Variants in NRG1 observed in about 807,000 individuals in gnomAD.
The protein encoded by NRG1 is pro-neuregulin-1, membrane-bound isoform.
In NRG1, 18 loss-of-function variants were observed where a neutral mutation model predicts 63.8. That is an observed-to-expected ratio of 0.28 (90% CI 0.19 to 0.42). NRG1 has a LOEUF of 0.42. Ranked by LOEUF, NRG1 falls within the 10% of genes least tolerant of loss-of-function variation. The probability of loss-of-function intolerance (pLI) is 1.00; values close to 1 mark genes in which losing one functional copy is unlikely to be tolerated. For missense variants in NRG1, 762 were observed against 814.7 expected, an observed-to-expected ratio of 0.94 and a Z score of 0.79; for synonymous variants, 302 against 301.3, an observed-to-expected ratio of 1.00 and a Z score of -0.02.
chr8:31,984,384 G>T (rs1040046133), intron 1 of NRG1, among the ~76,000 whole-genome samples: 24 of 151,950 alleles, frequency 1.6e-4, no homozygotes, highest in African/African-American at 5.6e-4. Context: ...TCTTTCTCAA[G>T]ACCTACTTAA....
chr8:31,790,348 T>C (rs1380645672), intron 1 of NRG1, among the ~76,000 whole-genome samples: 4 of 152,168 alleles, frequency 2.6e-5, no homozygotes, highest in Non-Finnish European at 5.9e-5. Context: ...CTAACAGTGA[T>C]AGAGGAAGGG....
At chr8:32,549,767 A>G (rs1294634745) in intron 1 of NRG1, among the ~76,000 whole-genome samples, 1 of 152,236 alleles carries the variant, frequency 6.6e-6, no homozygotes, top group Non-Finnish European at 1.5e-5. Context: ...TACCTTGGAC[A>G]AAAGAGGCAT....
chr8:32,539,875 G>A (rs923009777), intron 1 of NRG1, among the ~76,000 whole-genome samples: 1 of 152,166 alleles, frequency 6.6e-6, no homozygotes, highest in Non-Finnish European at 1.5e-5. Context: ...GTTTTAAGAT[G>A]AGTGTATCAA....
At chr8:32,672,114 G>A (rs967843699) in intron 5 of NRG1, among the ~76,000 whole-genome samples, 9 of 151,520 alleles carry the variant, frequency 5.9e-5, no homozygotes, top group Non-Finnish European at 1.0e-4. Context: ...GCACAATCTC[G>A]GCTCACTGCA....
At chr8:32,291,008 C>T (rs1163170052) in intron 1 of NRG1, among the ~76,000 whole-genome samples, 2 of 151,994 alleles carry the variant, frequency 1.3e-5, no homozygotes, top group Non-Finnish European at 2.9e-5. Context: ...GTGTAGTTCC[C>T]GTATGAAAGC....
At chr8:32,308,244 T>C (rs1856442548) in intron 1 of NRG1, among the ~76,000 whole-genome samples, 1 of 152,226 alleles carries the variant, frequency 6.6e-6, no homozygotes, top group African/African-American at 2.4e-5. Flanking sequence ...AGACTCTAAC[T>C]GATTTGTGGC....
At chr8:31,923,606 A>G (rs181728550) in intron 1 of NRG1, among the ~76,000 whole-genome samples, 62 of 152,304 alleles carry the variant, frequency 4.1e-4, no homozygotes, top group African/African-American at 1.4e-3. Flanking sequence ...GGAAACGTTT[A>G]AAATTACTGG....
chr8:32,286,246 TA>T (rs1853504141), intron 1 of NRG1, among the ~76,000 whole-genome samples: 1 of 152,198 alleles, frequency 6.6e-6, no homozygotes, highest in African/African-American at 2.4e-5. Flanking sequence ...TGAGTATTTG[TA>T]GTTGTTCACA....
At chr8:32,573,908 T>A (rs1839123343) in intron 1 of NRG1, among the ~76,000 whole-genome samples, 1 of 151,908 alleles carries the variant, frequency 6.6e-6, no homozygotes, top group Admixed American at 6.6e-5. Flanking sequence ...CAGTGTTTGG[T>A]TTTTTGTCCT....
intron 1 of NRG1, among the ~76,000 whole-genome samples, chr8:31,974,777 G>T (rs1807883773): frequency 6.6e-6 from 1 of 152,144 alleles, no homozygotes; most frequent in Non-Finnish European, 1.5e-5. Flanking sequence ...CTTAAAGCCA[G>T]CTAATTCTTT....
intron 1 of NRG1, among the ~76,000 whole-genome samples, chr8:32,515,574 C>T (rs1260763548): frequency 6.6e-6 from 1 of 151,896 alleles, no homozygotes; most frequent in African/African-American, 2.4e-5. Context: ...CCCCAAATAG[C>T]TGGAACTACA....
At chr8:32,691,501 T>C (rs1046503614) in intron 5 of NRG1, among the ~76,000 whole-genome samples, 2 of 152,186 alleles carry the variant, frequency 1.3e-5, no homozygotes, top group Non-Finnish European at 2.9e-5. Context: ...ATTGCACTAG[T>C]CATGCTGTTA....
chr8:31,683,746 A>G (rs780389279), intron 1 of NRG1, among the ~76,000 whole-genome samples: 15 of 152,114 alleles, frequency 9.9e-5, no homozygotes, highest in Non-Finnish European at 1.5e-4. Context: ...CAAAGGTACC[A>G]CTGTGCTGGG....
At chr8:32,451,821 C>T (rs1342498606) in intron 1 of NRG1, among the ~76,000 whole-genome samples, 1 of 152,098 alleles carries the variant, frequency 6.6e-6, no homozygotes, top group Non-Finnish European at 1.5e-5. Flanking sequence ...GTTCACCTAT[C>T]AAACTCACTT....
rs912466772 is a variant in NRG1 at position 31,975,783 on chromosome 8, G to A, written c.37+336352G>A. 4.1e-4 allele frequency among the ~76,000 whole-genome samples: 63 copies of A among 152,234 alleles called. 1 individual carries two copies. The highest frequency in any genetic ancestry group is 1.9e-4 in the East Asian group (1 of 5,164). On this transcript the variant is annotated intron_variant, in intron 1 of 10. Transcript: ENST00000519301. ...CTGTAGTTAACAATTTTAATTATAG[G>A]TGAAGTATTCAGGTTAAGTGGCCTA... is the stretch of plus-strand genomic sequence containing the variant.
At chr8:31,798,144 G>C (rs1484854733) in intron 1 of NRG1, among the ~76,000 whole-genome samples, 1 of 152,088 alleles carries the variant, frequency 6.6e-6, no homozygotes, top group South Asian at 2.1e-4. Flanking sequence ...GTGTTATGTG[G>C]CACTGTAGGG....
intron 5 of NRG1, among the ~76,000 whole-genome samples, chr8:32,655,664 T>C (rs974101687): frequency 2.6e-5 from 4 of 152,144 alleles, no homozygotes; most frequent in African/African-American, 9.7e-5. Flanking sequence ...AAAAGGAGTA[T>C]TTTTTCCCTT....
intron 1 of NRG1, among the ~76,000 whole-genome samples, chr8:32,084,173 G>A (rs955024003): frequency 6.6e-6 from 1 of 152,182 alleles, no homozygotes; most frequent in Admixed American, 6.5e-5. Flanking sequence ...CTCAGAGTTT[G>A]TACTGTAACT....
intron 1 of NRG1, among the ~76,000 whole-genome samples, chr8:31,866,602 T>C (rs561684890): frequency 4.6e-5 from 7 of 152,140 alleles, no homozygotes; most frequent in Non-Finnish European, 8.8e-5. Flanking sequence ...TATAATATGC[T>C]ACAAATACAA....
Sources: gnomAD v4.1 joint callset for allele counts (sites outside exome capture counted in the v4.1 genomes callset) on GRCh38, gnomAD v4.1.1 for gene constraint, MANE v1.5 for transcripts, NCBI Gene and HGNC (gene_info 2026-07-23, HGNC 2026-07-21) for gene names.